KALRN: variants seen among roughly 807,000 people sequenced by gnomAD.
KALRN encodes kalirin RhoGEF kinase.
In KALRN, 70 loss-of-function variants were observed where a neutral mutation model predicts 353.7. That is an observed-to-expected ratio of 0.20 (90% CI 0.16 to 0.24). The LOEUF is 0.24. Ranked by LOEUF, KALRN falls within the 10% of genes least tolerant of loss-of-function variation. The probability of loss-of-function intolerance (pLI) is 1.00; values close to 1 mark genes in which losing one functional copy is unlikely to be tolerated. For missense variants in KALRN, 2,791 were observed against 3,756.7 expected, an observed-to-expected ratio of 0.74 and a Z score of 6.72; for synonymous variants, 1,391 against 1,434.8, an observed-to-expected ratio of 0.97 and a Z score of 0.69.
chr3:124,218,369 A>G (rs1054803148), intron 1 of KALRN, among the ~76,000 whole-genome samples: 1 of 152,214 alleles, frequency 6.6e-6, no homozygotes, highest in African/African-American at 2.4e-5. Flanking sequence ...CTGAACTTGC[A>G]CAGCACACAC....
chr3:124,719,604 C>G lies in KALRN; in HGVS notation c.*134C>G. On this transcript the variant is annotated 3_prime_UTR_variant, in exon 60 of 60. Transcript: ENST00000682506. The surrounding 1 kb of genome is among the most constrained non-coding windows in gnomAD (Gnocchi z 5.3). ...GAATTGAGAGATGTACCTCTTAAAC[C>G]TCGTCAGTGGTTATTCAGGGTCTGA... The G allele has an allele frequency of 1.2e-6, 1 of 848,526 alleles. No homozygotes were observed. The highest frequency in any genetic ancestry group is 1.7e-5 in the African/African-American group (1 of 58,060). 52.6% of individuals were successfully genotyped at this position (848,526 alleles called of 1,614,324 possible).
intron 10 of KALRN, among the ~76,000 whole-genome samples, chr3:124,376,421 C>T (rs2086596110): frequency 6.6e-6 from 1 of 152,092 alleles, no homozygotes; most frequent in South Asian, 2.1e-4. Flanking sequence ...TCACTGGTAC[C>T]CAGAAGTAAT....
At chr3:124,087,399 G>C (rs1021792334) in intron 1 of KALRN, among the ~76,000 whole-genome samples, 11 of 152,282 alleles carry the variant, frequency 7.2e-5, no homozygotes, top group African/African-American at 2.4e-4. Flanking sequence ...TCTAAGAGTA[G>C]AGAGGAAGCT....
chr3:124,252,465 T>TATGCACAG (rs1275930625), intron 3 of KALRN, among the ~76,000 whole-genome samples: 3 of 152,320 alleles, frequency 2.0e-5, no homozygotes, highest in African/African-American at 7.2e-5. Flanking sequence ...ATGGCAGTTT[T>TATGCACAG]ATGCACAGAT....
At chr3:124,287,625 A>C (rs1300493181) in intron 5 of KALRN, among the ~76,000 whole-genome samples, 1 of 151,212 alleles carries the variant, frequency 6.6e-6, no homozygotes, top group Non-Finnish European at 1.5e-5. Flanking sequence ...TAGCTAATAG[A>C]CAGTAGGGTT....
intron 3 of KALRN, among the ~76,000 whole-genome samples, chr3:124,247,935 G>T (rs769218982): frequency 2.2e-4 from 33 of 151,936 alleles, no homozygotes; most frequent in Non-Finnish European, 4.4e-5. Context: ...TGTTTTCTTA[G>T]ATTGCTTTAG....
intron 37 of KALRN, 59 bp from the exon 38 acceptor site, chr3:124,650,749 G>C (rs559322958): frequency 9.7e-6 from 15 of 1,546,088 alleles, no homozygotes; most frequent in African/African-American, 5.5e-5. Context: ...GGAGGACACA[G>C]GGATTCCAAA....
Position 124,122,797 on chromosome 3 carries a change from T to C in KALRN, c.73+88984T>C, listed in dbSNP as rs571031669. ...CGCAATAATATTGAAATTAGGCCAA[T>C]TGATAATCCTACAGTGGCCTCTAAG... On this transcript the variant is annotated intron_variant, in intron 1 of 59. Transcript: ENST00000682506. 2.6e-5 allele frequency among the ~76,000 whole-genome samples: 4 copies of C among 152,262 alleles called. No homozygotes were observed. In the East Asian group the frequency reaches 5.8e-4, roughly 22 times the overall value.
chr3:124,242,628 G>A (rs1472637778), intron 3 of KALRN, among the ~76,000 whole-genome samples: 1 of 152,184 alleles, frequency 6.6e-6, no homozygotes, highest in Non-Finnish European at 1.5e-5. Flanking sequence ...TGGTGGGCAG[G>A]GACCACTACG....
chr3:124,287,141 T>C (rs1202092792), intron 5 of KALRN, among the ~76,000 whole-genome samples: 1 of 152,170 alleles, frequency 6.6e-6, no homozygotes, highest in Non-Finnish European at 1.5e-5. Flanking sequence ...CACAAATGAA[T>C]GCCCAGAGAG....
intron 28 of KALRN, among the ~76,000 whole-genome samples, chr3:124,487,185 C>T (rs545618897): frequency 6.6e-6 from 1 of 152,164 alleles, no homozygotes; most frequent in Admixed American, 6.5e-5. Context: ...ATACAGTGAC[C>T]CTGATAGGAA....
intron 34 of KALRN, among the ~76,000 whole-genome samples, chr3:124,582,030 T>C (rs1201695370): frequency 6.6e-6 from 1 of 151,354 alleles, no homozygotes; most frequent in Non-Finnish European, 1.5e-5. Context: ...TTTTTTTTTT[T>C]TTTTTTTTGA....
intron 21 of KALRN, among the ~76,000 whole-genome samples, chr3:124,447,945 G>A (rs930009679): frequency 6.6e-6 from 1 of 152,164 alleles, no homozygotes; most frequent in Non-Finnish European, 1.5e-5. Context: ...AAAGAAGGTG[G>A]CAGATGCACA....
intron 6 of KALRN, among the ~76,000 whole-genome samples, chr3:124,301,400 T>A (rs2077257496): frequency 1.3e-5 from 2 of 152,184 alleles, no homozygotes; most frequent in Non-Finnish European, 2.9e-5. Context: ...CCAATTAGTG[T>A]GTCCCAGCCA....
chr3:124,456,504 C>T (rs1426756106), intron 22 of KALRN, 106 bp from the exon 23 acceptor site: 1 of 675,098 alleles, frequency 1.5e-6, no homozygotes, highest in Non-Finnish European at 2.6e-6. Context: ...TGTTTTTATC[C>T]TTCTCCATTA....
intron 38 of KALRN, among the ~76,000 whole-genome samples, chr3:124,654,187 T>C (rs1232813956): frequency 2.6e-5 from 4 of 152,226 alleles, no homozygotes; most frequent in Non-Finnish European, 5.9e-5. Context: ...GGTAAAGATA[T>C]ATTTAAATGC....
At chr3:124,526,517 G>A (rs2109080357) in intron 33 of KALRN, among the ~76,000 whole-genome samples, 1 of 152,246 alleles carries the variant, frequency 6.6e-6, no homozygotes, top group African/African-American at 2.4e-5. Flanking sequence ...AGAGGTTGTG[G>A]TGAGCCAAGA....
Position 124,719,458 on chromosome 3 carries a change from C to CCAAGGGA in KALRN, c.8951_8957dup (p.Ter2987ArgfsTer23), listed in dbSNP as rs1243271183. ...AGAGCTACATTGTCAACCGGGTGAA[C>CCAAGGGA]CAAGGGACGTAGCCATCTCCCAGCC... On this transcript the variant is annotated frameshift_variant, in exon 60 of 60. Coordinates refer to ENST00000682506, the MANE Select transcript of KALRN (RefSeq NM_001388419.1). LOFTEE classifies it high-confidence loss of function. The surrounding 1 kb of genome is among the most constrained non-coding windows in gnomAD (Gnocchi z 5.3). 6.2e-7 allele frequency: 1 copy of CCAAGGGA among 1,612,572 alleles called. No individual in the cohort carries two copies. Among genetic ancestry groups the CCAAGGGA allele is most frequent in the Admixed American group, 1.7e-5 (1 of 59,984 alleles).
intron 8 of KALRN, among the ~76,000 whole-genome samples, chr3:124,332,557 C>T (rs527747891): frequency 1.3e-5 from 2 of 152,174 alleles, no homozygotes; most frequent in South Asian, 4.1e-4. Flanking sequence ...CTGTTGGGTA[C>T]TTTGTCAAGC....
Sources: gnomAD v4.1 joint callset for allele counts (sites outside exome capture counted in the v4.1 genomes callset) on GRCh38, gnomAD v4.1.1 for gene constraint, Gnocchi (gnomAD v3.1) non-coding constraint, MANE v1.5 for transcripts, NCBI Gene and HGNC (gene_info 2026-07-23, HGNC 2026-07-21) for gene names.